The following GALNT17 variants were observed in gnomAD, a reference collection of about 807,000 sequenced individuals.
The protein encoded by GALNT17 is polypeptide N-acetylgalactosaminyltransferase 17, also known as UDP-GalNAc:polypeptide N-acetylgalactosaminyltransferase-like 3.
GALNT17 carries 29 observed loss-of-function variants against 63.7 expected under a neutral mutation model. That is an observed-to-expected ratio of 0.46 (90% CI 0.34 to 0.62). The LOEUF (loss-of-function observed/expected upper bound fraction) is 0.62, where lower values mean the gene tolerates loss of function less well. Ranked by LOEUF, GALNT17 falls within the 20% of genes least tolerant of loss-of-function variation. GALNT17 has a pLI of 0.01. For synonymous variants in GALNT17, 305 were observed against 318.3 expected (o/e 0.96, Z 0.45); for missense variants, 603 against 799.6 (o/e 0.75, Z 2.97).
intron 1 of GALNT17, among the ~76,000 whole-genome samples, chr7:71,136,970 A>G (rs1011863022): frequency 2.0e-5 from 3 of 151,624 alleles, no homozygotes; most frequent in Middle Eastern, 3.4e-3. Context: ...TATTTTTTGT[A>G]GAGATGGGGT....
chr7:71,592,554 C>CAAAT (rs1562703292), intron 6 of GALNT17, among the ~76,000 whole-genome samples: 1 of 45,580 alleles, frequency 2.2e-5, no homozygotes, highest in African/African-American at 5.3e-5. Flanking sequence ...AATAGCATAG[C>CAAAT]ATAGCATACT....
intron 5 of GALNT17, among the ~76,000 whole-genome samples, chr7:71,454,308 G>T (rs917767615): frequency 6.6e-6 from 1 of 152,174 alleles, no homozygotes; most frequent in Non-Finnish European, 1.5e-5. Flanking sequence ...CCACTTACAA[G>T]TGAGAACATG....
chr7:71,700,365 C>A (rs1301706636), intron 9 of GALNT17, among the ~76,000 whole-genome samples: 1 of 152,068 alleles, frequency 6.6e-6, no homozygotes, highest in Non-Finnish European at 1.5e-5. Context: ...TCAAATCTGT[C>A]TTCTTCTAAC....
rs35340202 is a variant in GALNT17 at position 71,635,206 on chromosome 7, CA to C, written c.1081-30188del. On this transcript the variant is annotated intron_variant, in intron 6 of 10. Coordinates refer to ENST00000333538, the MANE Select transcript of GALNT17 (RefSeq NM_022479.3). ...TGGGTGACAGAGTGAGACTCCGTCT[CA>C]AAAAAAAAAAAAAAAAGAGGAATGC... 2.0e-3 allele frequency among the ~76,000 whole-genome samples: 252 copies of C among 124,400 alleles called. 1 individual carries two copies. The highest frequency in any genetic ancestry group is 2.7e-3 in the African/African-American group (89 of 32,854). The allele number at this position is 124,400 out of a possible 152,430, so 81.6% of individuals were successfully genotyped here. A position where few individuals can be genotyped will look rare whatever the true frequency, so the allele number is the denominator to read the frequency against.
intron 1 of GALNT17, among the ~76,000 whole-genome samples, chr7:71,242,618 A>G (rs1790020120): frequency 6.6e-6 from 1 of 152,056 alleles, no homozygotes. Context: ...GTCCAAACTG[A>G]TTCACCTCCT....
chr7:71,513,754 G>A lies in GALNT17; in HGVS notation c.963-57531G>A, dbSNP rs181741712. Among the ~76,000 whole-genome samples, 868 of 152,194 alleles carry A rather than the reference G, an allele frequency of 5.7e-3. 9 individuals carry two copies. The highest frequency in any genetic ancestry group is 7.8e-3 in the Non-Finnish European group (532 of 68,008). On this transcript the variant is annotated intron_variant, in intron 5 of 10. Transcript: ENST00000333538. ...TTTTCCTAGGAGAAAAAGTATGTAG[G>A]AAAATTTAGTAAGAGAAATTGACAT...
At chr7:71,510,881 G>T (rs903196530) in intron 5 of GALNT17, among the ~76,000 whole-genome samples, 2 of 152,044 alleles carry the variant, frequency 1.3e-5, no homozygotes, top group African/African-American at 4.8e-5. Context: ...GATGAGGTTG[G>T]ACCAGCCGAG....
chr7:71,368,643 TAAG>T (rs1156768461), intron 2 of GALNT17, among the ~76,000 whole-genome samples: 2 of 152,174 alleles, frequency 1.3e-5, no homozygotes, highest in Non-Finnish European at 2.9e-5. Flanking sequence ...ATTTTTTTCT[TAAG>T]GAGCTGTGAG....
At chr7:71,545,874 T>A (rs911877994) in intron 5 of GALNT17, among the ~76,000 whole-genome samples, 7 of 152,204 alleles carry the variant, frequency 4.6e-5, no homozygotes. Flanking sequence ...TTTTCTCATT[T>A]GCTTTTGCTC....
chr7:71,442,067 T>C (rs1267862739), intron 5 of GALNT17, among the ~76,000 whole-genome samples: 1 of 152,186 alleles, frequency 6.6e-6, no homozygotes, highest in Non-Finnish European at 1.5e-5. Context: ...CACACTGTCT[T>C]CCACAATGGT....
At chr7:71,711,271 G>C (rs1791787923) in intron 10 of GALNT17, among the ~76,000 whole-genome samples, 1 of 151,846 alleles carries the variant, frequency 6.6e-6, no homozygotes, top group Non-Finnish European at 1.5e-5. Context: ...TCAACATCCT[G>C]ACCCCCTCCT....
intron 5 of GALNT17, among the ~76,000 whole-genome samples, chr7:71,555,191 CA>C (rs535151592): frequency 6.6e-6 from 1 of 151,748 alleles, no homozygotes; most frequent in Non-Finnish European, 1.5e-5. Flanking sequence ...CAGGTCCCAT[CA>C]GGCCCCACCC....
At chr7:71,264,274 G>A (rs1231321876) in intron 1 of GALNT17, among the ~76,000 whole-genome samples, 1 of 152,114 alleles carries the variant, frequency 6.6e-6, no homozygotes, top group Non-Finnish European at 1.5e-5. Context: ...TTTGACAGCT[G>A]AAGGACACAA....
chr7:71,659,876 C>A (rs1038729136), intron 6 of GALNT17, among the ~76,000 whole-genome samples: 3 of 152,194 alleles, frequency 2.0e-5, no homozygotes, highest in African/African-American at 7.2e-5. Context: ...TCAGCCTAGC[C>A]CTTCAGACTT....
chr7:71,512,240 A>G (rs1335118684), intron 5 of GALNT17, among the ~76,000 whole-genome samples: 1 of 152,040 alleles, frequency 6.6e-6, no homozygotes, highest in Non-Finnish European at 1.5e-5. Context: ...CCTGACCTCA[A>G]GTGATCCGCC....
At chr7:71,461,720 G>A (rs1195696199) in intron 5 of GALNT17, among the ~76,000 whole-genome samples, 1 of 152,190 alleles carries the variant, frequency 6.6e-6, no homozygotes, top group Non-Finnish European at 1.5e-5. Flanking sequence ...TGCTGCTGTT[G>A]CCTCCCAGGA....
chr7:71,504,534 T>C (rs1364778540), intron 5 of GALNT17, among the ~76,000 whole-genome samples: 1 of 152,166 alleles, frequency 6.6e-6, no homozygotes, highest in Non-Finnish European at 1.5e-5. Context: ...ATATTTTACA[T>C]AGTTTACTTG....
chr7:71,668,139 A>G (rs1332655052), intron 7 of GALNT17, among the ~76,000 whole-genome samples: 1 of 152,132 alleles, frequency 6.6e-6, no homozygotes, highest in East Asian at 1.9e-4. Context: ...TTAGAGTTAC[A>G]AATAACTCAA....
chr7:71,587,812 G>T (rs1045600781), intron 6 of GALNT17, among the ~76,000 whole-genome samples: 2 of 152,038 alleles, frequency 1.3e-5, no homozygotes. Context: ...CCACATGCCG[G>T]GAAAAATACT....
Sources: allele counts gnomAD v4.1 joint callset (sites outside exome capture counted in the v4.1 genomes callset), GRCh38; gene constraint gnomAD v4.1.1; transcripts MANE v1.5; gene names NCBI Gene and HGNC (gene_info 2026-07-23, HGNC 2026-07-21).